The following AKAP12 variants were observed in gnomAD, a reference collection of about 807,000 sequenced individuals.
The protein encoded by AKAP12 is A-kinase anchor protein 12.
In AKAP12, 32 loss-of-function variants were observed where a neutral mutation model predicts 79.9. The observed-to-expected ratio is 0.40, with a 90% CI of 0.30 to 0.54. AKAP12 has a LOEUF of 0.54. Ranked by LOEUF, AKAP12 falls within the 20% of genes least tolerant of loss-of-function variation. The probability of loss-of-function intolerance (pLI) is 0.48; values close to 1 mark genes in which losing one functional copy is unlikely to be tolerated. For synonymous variants in AKAP12, 808 were observed against 857.0 expected (o/e 0.94, Z 1.00); for missense variants, 2,074 against 2,177.0 (o/e 0.95, Z 0.94).
At chr6:151,339,218 T>TAA in intron 3 of AKAP12, among the ~76,000 whole-genome samples, 1 of 152,334 alleles carries the variant, frequency 6.6e-6, no homozygotes, top group East Asian at 1.9e-4. Context: ...TTATGAACTA[T>TAA]AAAAAGTTGT....
chr6:151,273,929 T>G (rs554827671), intron 2 of AKAP12, among the ~76,000 whole-genome samples: 1 of 151,932 alleles, frequency 6.6e-6, no homozygotes, highest in East Asian at 2.0e-4. Flanking sequence ...CTCGGGAAAC[T>G]GAGGCAGGAG....
chr6:151,296,284 G>C (rs938269393), intron 2 of AKAP12, among the ~76,000 whole-genome samples: 3 of 152,192 alleles, frequency 2.0e-5, no homozygotes, highest in African/African-American at 4.8e-5. Flanking sequence ...GTTGGAGAGA[G>C]CTTTTGACTC....
At position 151,296,693 on chromosome 6, in the gene AKAP12, C is replaced by G. The variant is rs188033040; in HGVS notation, c.163-9054C>G. On this transcript the variant is annotated intron_variant, in intron 2 of 4. Transcript: ENST00000402676. ...TCAGGAGGCTGAAACGGGAGAATCT[C>G]TGGACCCCGGGAGGTGGAGGTTGCA... Among the ~76,000 whole-genome samples, 350 of 152,242 alleles carry G rather than the reference C, an allele frequency of 2.3e-3. 1 individual carries two copies. The highest frequency in any genetic ancestry group is 5.6e-3 in the Admixed American group (85 of 15,292).
intron 2 of AKAP12, among the ~76,000 whole-genome samples, chr6:151,283,026 G>A (rs576178942): frequency 1.3e-5 from 2 of 151,918 alleles, no homozygotes; most frequent in Non-Finnish European, 2.9e-5. Flanking sequence ...CTTACTTCTC[G>A]GCCCAGGACT....
At chr6:151,298,809 A>C (rs1776793146) in intron 2 of AKAP12, 1 of 149,252 alleles carries the variant, frequency 6.7e-6, no homozygotes, top group African/African-American at 2.5e-5. Context: ...AAAAAAAAAC[A>C]AGAGAGAAAA....
At chr6:151,324,045 G>A in intron 3 of AKAP12, 1 of 985,438 alleles carries the variant, frequency 1.0e-6, no homozygotes, top group Non-Finnish European at 1.2e-6. Flanking sequence ...GGAGAGGAAT[G>A]GCCAAGTTGC....
intron 3 of AKAP12, among the ~76,000 whole-genome samples, chr6:151,343,746 T>G (rs1335059753): frequency 6.6e-6 from 1 of 151,954 alleles, no homozygotes; most frequent in Non-Finnish European, 1.5e-5. Context: ...ATCGAGCCAC[T>G]GCACTCCAGC....
chr6:151,259,382 C>T (rs1050027818), intron 2 of AKAP12, among the ~76,000 whole-genome samples: 1 of 149,176 alleles, frequency 6.7e-6, no homozygotes, highest in Non-Finnish European at 1.5e-5. Flanking sequence ...CTAGGTACTC[C>T]TTCTTTTAAA....
At chr6:151,279,293 A>G (rs1006400489) in intron 2 of AKAP12, among the ~76,000 whole-genome samples, 1 of 152,124 alleles carries the variant, frequency 6.6e-6, no homozygotes, top group Non-Finnish European at 1.5e-5. Flanking sequence ...TTTCTCTGGC[A>G]TGGTTTCTAA....
intron 2 of AKAP12, among the ~76,000 whole-genome samples, chr6:151,244,175 GA>G: frequency 6.6e-6 from 1 of 152,144 alleles, no homozygotes. Flanking sequence ...TACTCGAATA[GA>G]AGAGTCCGTT....
intron 2 of AKAP12, among the ~76,000 whole-genome samples, chr6:151,252,953 G>A (rs768675322): frequency 3.9e-5 from 6 of 152,150 alleles, no homozygotes; most frequent in African/African-American, 1.4e-4. Context: ...TCCCTCCAGA[G>A]AAGACATTTT....
chr6:151,278,889 G>A (rs568077044), intron 2 of AKAP12, among the ~76,000 whole-genome samples: 6 of 151,580 alleles, frequency 4.0e-5, no homozygotes, highest in South Asian at 4.2e-4. Flanking sequence ...GGATGGTCTC[G>A]ATCTCCTGAC....
At position 151,349,812 on chromosome 6, in the gene AKAP12, AG is replaced by A; in HGVS notation, c.1423del (p.Asp475ThrfsTer23). 1 of 1,614,158 alleles carries A rather than the reference AG, an allele frequency of 6.2e-7. No individual in the cohort carries two copies. On this transcript the variant is annotated frameshift_variant, in exon 4 of 5. Coordinates refer to ENST00000402676, the MANE Select transcript of AKAP12 (RefSeq NM_005100.4). LOFTEE classifies it high-confidence loss of function. ...CTCAAAGAAACGTGTGTTTCCGGAG[AG>A]GACCCTACACAGGGAGCTGACCTCA... ...VKLKETCVSG[E>X]DPTQGADLSP...
At chr6:151,287,783 T>C (rs1267382434) in intron 2 of AKAP12, among the ~76,000 whole-genome samples, 1 of 152,202 alleles carries the variant, frequency 6.6e-6, no homozygotes, top group Admixed American at 6.5e-5. Context: ...ATTGCAGCAC[T>C]GTTCACAATA....
intron 3 of AKAP12, among the ~76,000 whole-genome samples, chr6:151,330,618 G>A (rs1265121798): frequency 1.3e-5 from 2 of 152,050 alleles, no homozygotes; most frequent in African/African-American, 2.4e-5. Context: ...CTGCAGTATC[G>A]TACTTCTTTT....
At chr6:151,282,163 A>G (rs1582853848) in intron 2 of AKAP12, among the ~76,000 whole-genome samples, 1 of 151,302 alleles carries the variant, frequency 6.6e-6, no homozygotes, top group Non-Finnish European at 1.5e-5. Flanking sequence ...GGCTCACTGC[A>G]CCCTCCGCCT....
At chr6:151,339,646 T>G (rs1777899156) in intron 3 of AKAP12, among the ~76,000 whole-genome samples, 1 of 152,202 alleles carries the variant, frequency 6.6e-6, no homozygotes, top group Non-Finnish European at 1.5e-5. Flanking sequence ...GTACATTCTG[T>G]GGATTTGGGC....
chr6:151,353,586 G>A lies in AKAP12; in HGVS notation c.5195G>A (p.Gly1732Glu). The change falls in exon 4 of 5, where the codon GGA (glycine) becomes GAA (glutamate). Residue 1732 changes from glycine to glutamate, a missense_variant. Physicochemically the swap from Gly to Glu is moderately conservative, Grantham distance 98. This residue lies in a region of AKAP12 where 614 missense variants were observed against 665.6 expected (regional missense o/e 0.92). Coordinates refer to ENST00000402676, the MANE Select transcript of AKAP12 (RefSeq NM_005100.4). ...ACCAAAGAGTCCCCAGATACAAATGGACCAAAACAAAAAGAGAAGGAGGAT... is the reference window on the plus strand; with the variant it reads ...ACCAAAGAGTCCCCAGATACAAATGAACCAAAACAAAAAGAGAAGGAGGAT... ...GLTKESPDTNGPKQKEKEDAQ... is the reference protein window; with the variant it reads ...GLTKESPDTNEPKQKEKEDAQ... The A allele has an allele frequency of 6.2e-7, 1 of 1,614,086 alleles. No homozygotes were observed.
At chr6:151,271,397 C>G (rs78704218) in intron 2 of AKAP12, among the ~76,000 whole-genome samples, 7,398 of 151,220 alleles carry the variant, frequency 0.049, 268 homozygotes, top group East Asian at 0.14. Flanking sequence ...TCTCAGCTCA[C>G]TGCAGCCTCT....
Sources: allele counts gnomAD v4.1 joint callset (sites outside exome capture counted in the v4.1 genomes callset), GRCh38; gene constraint gnomAD v4.1.1; regional missense constraint gnomAD v4.1.1; transcripts MANE v1.5; gene names NCBI Gene and HGNC (gene_info 2026-07-23, HGNC 2026-07-21).